The following ITCH variants were observed in gnomAD, a reference collection of about 807,000 sequenced individuals.
ITCH encodes itchy E3 ubiquitin protein ligase.
In ITCH, 28 loss-of-function variants were observed where a neutral mutation model predicts 126.8. That is an observed-to-expected ratio of 0.22 (90% confidence interval 0.16 to 0.30). The LOEUF (loss-of-function observed/expected upper bound fraction) is 0.30. Among genes scored for constraint, ITCH ranks in the 10% least tolerant of loss-of-function variants. ITCH has a pLI of 1.00. For synonymous variants in ITCH, 342 were observed against 340.0 expected, an observed-to-expected ratio of 1.01 and a Z score of -0.06; for missense variants, 631 against 1,032.4, an observed-to-expected ratio of 0.61 and a Z score of 5.33.
Position 34,408,884 on chromosome 20 carries a change from T to G in ITCH, c.212+92T>G, listed in dbSNP as rs1475011479. ...AAATGTTTCTCACTTTGGTTTTTTGTTGTTGTTGTTCCTCCTTTCTCTCTT... is the reference window on the plus strand; with the variant it reads ...AAATGTTTCTCACTTTGGTTTTTTGGTGTTGTTGTTCCTCCTTTCTCTCTT... On this transcript the variant is annotated intron_variant, in intron 4 of 24. Coordinates refer to ENST00000374864, the MANE Select transcript of ITCH (RefSeq NM_031483.7). The G allele has an allele frequency of 2.3e-6, 3 of 1,291,518 alleles. No individual in the cohort carries two copies. The African/African-American group carries it at 4.5e-5, about 20-fold the overall frequency. The allele number at this position is 1,291,518 out of a possible 1,614,324, so 80.0% of individuals were successfully genotyped here.
chr20:34,455,100 G>C (rs1985751939), intron 12 of ITCH, among the ~76,000 whole-genome samples: 1 of 151,834 alleles, frequency 6.6e-6, no homozygotes, highest in South Asian at 2.1e-4. Context: ...CAGAGTCCTG[G>C]GATTACAGGC....
intron 7 of ITCH, among the ~76,000 whole-genome samples, chr20:34,432,194 A>G (rs1982396829): frequency 6.6e-6 from 1 of 152,164 alleles, no homozygotes; most frequent in Non-Finnish European, 1.5e-5. Flanking sequence ...TTATCCCAAG[A>G]TGAGAGTAGA....
At chr20:34,479,811 T>C (rs780438686) in intron 18 of ITCH, 22 bp downstream of exon 18, 13 of 1,607,710 alleles carry the variant, frequency 8.1e-6, no homozygotes, top group Non-Finnish European at 1.0e-5. Context: ...TCAAGAATTA[T>C]GTTTACTTTG....
intron 22 of ITCH, 26 bp from the exon 23 acceptor site, chr20:34,492,475 T>C (rs1212308463): frequency 8.0e-7 from 1 of 1,244,228 alleles, no homozygotes; most frequent in Non-Finnish European, 1.2e-6. Context: ...ATGACATATA[T>C]ATCTCTTTAA....
chr20:34,507,263 GTTTTTTTTTTTT>G (rs776161631), intron 24 of ITCH, among the ~76,000 whole-genome samples: 2 of 39,162 alleles, frequency 5.1e-5, no homozygotes, highest in South Asian at 9.2e-4. Flanking sequence ...GTTTTCTTCT[GTTTTTTTTTTTT>G]TTTTTTTTTT....
Position 34,398,434 on chromosome 20 carries a change from C to G in ITCH, c.70+4553C>G, listed in dbSNP as rs558272273. On this transcript the variant is annotated intron_variant, in intron 3 of 24. Coordinates refer to ENST00000374864, the MANE Select transcript of ITCH (RefSeq NM_031483.7). Reference sequence around the variant, plus strand: ...TTTTTTTTTGAGACAGTTTCCCTTTCGTTGCCCAGGCTGGAGTGCAATGGC... The same window carrying G: ...TTTTTTTTTGAGACAGTTTCCCTTTGGTTGCCCAGGCTGGAGTGCAATGGC... Among the ~76,000 whole-genome samples, 6 of 150,444 alleles carry G rather than the reference C, an allele frequency of 4.0e-5. No individual in the cohort carries two copies. In the East Asian group the frequency reaches 9.9e-4, roughly 25 times the overall value.
At chr20:34,502,141 T>C (rs1215086546) in intron 23 of ITCH, among the ~76,000 whole-genome samples, 1 of 152,220 alleles carries the variant, frequency 6.6e-6, no homozygotes, top group African/African-American at 2.4e-5. Flanking sequence ...AATATTTGAT[T>C]TTAAATCTAT....
rs759207029 is a variant in ITCH, at chr20:34,412,524, C to T, written c.222C>T (p.Thr74=). 3.1e-6 allele frequency: 5 copies of T among 1,595,378 alleles called. No individual in the cohort carries two copies. In the South Asian group the frequency reaches 3.3e-5, roughly 11 times the overall value. Residue 74 remains threonine (T), a synonymous_variant, in exon 5 of 25, where the codon ACC becomes ACT. Transcript: ENST00000374864. ...CTTTTTTCACTTTTAGTATCGTTAC[C>T]CCTGTGAGTAAATTACATTTTCGTG... ...KWKQPLTVIV[T]PVSKLHFRVW... is the part of the protein sequence containing the mutation.
chr20:34,387,983 G>GT (rs1473592156), intron 2 of ITCH, among the ~76,000 whole-genome samples: 2 of 152,092 alleles, frequency 1.3e-5, no homozygotes, highest in Non-Finnish European at 2.9e-5. Context: ...GATTACAGGC[G>GT]TGAGCCACAG....
intron 17 of ITCH, among the ~76,000 whole-genome samples, chr20:34,478,544 A>G (rs1837472701): frequency 6.6e-6 from 1 of 152,156 alleles, no homozygotes; most frequent in South Asian, 2.1e-4. Flanking sequence ...TCAAGACGGG[A>G]TTTGAATCTT....
chr20:34,381,544 A>G (rs1303754794), intron 2 of ITCH, among the ~76,000 whole-genome samples: 1 of 151,966 alleles, frequency 6.6e-6, no homozygotes, highest in Non-Finnish European at 1.5e-5. Flanking sequence ...CTCCTGCCTC[A>G]GACTCCCGGG....
chr20:34,485,787 A>G (rs1989062948), intron 20 of ITCH, among the ~76,000 whole-genome samples: 1 of 152,140 alleles, frequency 6.6e-6, no homozygotes, highest in African/African-American at 2.4e-5. Flanking sequence ...GGATCAAAGG[A>G]TCCCCCTGCC....
intron 13 of ITCH, among the ~76,000 whole-genome samples, chr20:34,458,605 G>C (rs1462781106): frequency 2.0e-5 from 3 of 152,222 alleles, no homozygotes; most frequent in African/African-American, 4.8e-5. Context: ...CTAGAAGCTT[G>C]AGATCACGAT....
At chr20:34,439,738 A>G (rs1983487515) in intron 8 of ITCH, among the ~76,000 whole-genome samples, 2 of 152,244 alleles carry the variant, frequency 1.3e-5, no homozygotes, top group South Asian at 4.1e-4. Flanking sequence ...ATTTCTTATC[A>G]GACCTTCCAT....
At chr20:34,441,996 T>G in intron 9 of ITCH, 1 of 577,336 alleles carries the variant, frequency 1.7e-6, no homozygotes, top group South Asian at 1.9e-5. Flanking sequence ...GAGCAGATAC[T>G]TGCATAGAAG....
chr20:34,397,495 C>A (rs1474549809), intron 3 of ITCH, among the ~76,000 whole-genome samples: 2 of 152,110 alleles, frequency 1.3e-5, no homozygotes, highest in African/African-American at 4.8e-5. Context: ...TTCAACTATG[C>A]CTGGCTTATA....
At chr20:34,390,525 A>C (rs1430622195) in intron 2 of ITCH, among the ~76,000 whole-genome samples, 1 of 132,166 alleles carries the variant, frequency 7.6e-6, no homozygotes, top group Non-Finnish European at 1.5e-5. Flanking sequence ...ATGTTGGTTC[A>C]CTGCAATCTC....
chr20:34,436,039 C>T (rs1313530378), intron 7 of ITCH, among the ~76,000 whole-genome samples: 6 of 152,104 alleles, frequency 3.9e-5, no homozygotes, highest in African/African-American at 1.2e-4. Context: ...AAATTGAGAT[C>T]AAAATGTTAT....
At chr20:34,413,379 AT>A (rs1291131330) in intron 5 of ITCH, among the ~76,000 whole-genome samples, 1 of 152,124 alleles carries the variant, frequency 6.6e-6, no homozygotes. Context: ...ATTAGATATA[AT>A]TTATCCTTAA....
Sources: allele counts gnomAD v4.1 joint callset (sites outside exome capture counted in the v4.1 genomes callset), GRCh38; gene constraint gnomAD v4.1.1; transcripts MANE v1.5; gene names NCBI Gene and HGNC (gene_info 2026-07-23, HGNC 2026-07-21).